Variants in MRTFB observed in about 807,000 individuals in gnomAD.
MRTFB encodes the protein myocardin-related transcription factor B.
Under a neutral mutation model 104.2 loss-of-function variants are expected in MRTFB, and 29 were observed. The observed-to-expected ratio is 0.28, with a 90% CI of 0.21 to 0.38. MRTFB has a LOEUF of 0.38. MRTFB is among the 10% of genes least tolerant of loss of function. The pLI, the probability that MRTFB is intolerant of heterozygous loss-of-function variation, is 1.00. For missense variants in MRTFB, 1,270 were observed against 1,341.6 expected, an observed-to-expected ratio of 0.95 and a Z score of 0.83; for synonymous variants, 535 against 519.5, an observed-to-expected ratio of 1.03 and a Z score of -0.41.
At chr16:14,012,295 C>CTTTTTTTTTTTTTTTTTTTTTTTTTT in the MRTFB span, among the ~76,000 whole-genome samples, 1 of 107,922 alleles carries the variant, frequency 9.3e-6, no homozygotes, top group Non-Finnish European at 1.8e-5. Flanking sequence ...CTTTTTCTTT[C>CTTTTTTTTTTTTTTTTTTTTTTTTTT]TTTCTTTTTT....
intron 3 of MRTFB, among the ~76,000 whole-genome samples, chr16:14,203,086 A>G (rs374353468): frequency 1.3e-5 from 2 of 152,278 alleles, no homozygotes; most frequent in East Asian, 3.9e-4. Context: ...ATTCTAGAGT[A>G]TTCTTTAGTT....
rs906087612 is a variant in MRTFB, at chr16:14,246,363, G to A, written c.1213-110G>A. ...AACCAGTTCTACTTTCAGGTGTGCC[G>A]TAACGCAGAGTTGTCTGACAGACAT... On this transcript the variant is annotated intron_variant, in intron 11 of 16. Coordinates refer to ENST00000571589, the MANE Select transcript of MRTFB (RefSeq NM_001308142.2). 28 of 1,018,750 alleles carry A rather than the reference G, an allele frequency of 2.7e-5. 1 individual carries two copies. The highest frequency in any genetic ancestry group is 9.7e-5 in the South Asian group (6 of 61,818). 63.1% of individuals were successfully genotyped at this position (1,018,750 alleles called of 1,614,324 possible). A position where few individuals can be genotyped will look rare whatever the true frequency, so the allele number is the denominator to read the frequency against.
intron 2 of MRTFB, among the ~76,000 whole-genome samples, chr16:14,089,315 G>A (rs2034911882): frequency 6.6e-6 from 1 of 151,982 alleles, no homozygotes; most frequent in South Asian, 2.1e-4. Context: ...TCTCCCCTCT[G>A]TCTCTCTCAC....
chr16:14,172,655 GTTTATTCCTCCACAGCCTGGAGGAATA>G (rs1480026981), intron 3 of MRTFB, among the ~76,000 whole-genome samples: 1 of 152,028 alleles, frequency 6.6e-6, no homozygotes, highest in Non-Finnish European at 1.5e-5. Context: ...GTAAGAGAAT[GTTTATTCCTCCACAGCCTGGAGGAATA>G]AACAGAAAGT....
At chr16:14,185,619 C>T (rs1210863110) in intron 3 of MRTFB, among the ~76,000 whole-genome samples, 1 of 151,612 alleles carries the variant, frequency 6.6e-6, no homozygotes, top group Admixed American at 6.6e-5. Context: ...CTCAACCATG[C>T]TACAGATGTT....
intron 3 of MRTFB, chr16:14,144,899 A>G (rs1411259713): frequency 6.6e-6 from 1 of 150,656 alleles, no homozygotes; most frequent in Non-Finnish European, 1.5e-5. Context: ...CAGTGAGTCA[A>G]GATTGCACCA....
At chr16:14,199,963 T>G (rs973269503) in intron 3 of MRTFB, 1 of 250,818 alleles carries the variant, frequency 4.0e-6, no homozygotes, top group African/African-American at 2.3e-5. Context: ...GGAGGTAATC[T>G]TTGTTTCTGA....
At chr16:14,213,067 A>G (rs897252920) in intron 5 of MRTFB, among the ~76,000 whole-genome samples, 4 of 152,222 alleles carry the variant, frequency 2.6e-5, no homozygotes, top group African/African-American at 9.7e-5. Context: ...ACAGTCTTAT[A>G]AAACCTGTAT....
At position 14,140,640 on chromosome 16, in the gene MRTFB, G is replaced by A; in HGVS notation, c.34G>A (p.Glu12Lys). ...CACAGGGGCGATAGACACCGAGGAT[G>A]AAGTGGGACCTTTAGCCCATCTTGC... is the stretch of plus-strand genomic sequence containing the variant. ...DHTGAIDTED[E>K]VGPLAHLAPS... Residue 12 changes from glutamate to lysine, a missense_variant, in exon 3 of 17, where the codon GAA (glutamate) becomes AAA (lysine). Physicochemically the swap from Glu to Lys is moderately conservative, Grantham distance 56. Transcript: ENST00000571589. 2.5e-6 allele frequency: 4 copies of A among 1,614,218 alleles called. No homozygotes were observed. Among genetic ancestry groups the A allele is most frequent in the Non-Finnish European group, 3.4e-6 (4 of 1,180,040 alleles).
At chr16:14,195,519 A>G in intron 3 of MRTFB, 1 of 985,446 alleles carries the variant, frequency 1.0e-6, no homozygotes, top group African/African-American at 1.7e-5. Context: ...ACAAAATGGA[A>G]AGGAAAACCG....
chr16:14,130,293 ACTTCT>A (rs1323273202), intron 2 of MRTFB, among the ~76,000 whole-genome samples: 1 of 152,202 alleles, frequency 6.6e-6, no homozygotes, highest in Non-Finnish European at 1.5e-5. Flanking sequence ...TAAAATAAAC[ACTTCT>A]CTTATTTGTT....
At chr16:14,093,890 C>T (rs529054173) in intron 2 of MRTFB, among the ~76,000 whole-genome samples, 1 of 152,266 alleles carries the variant, frequency 6.6e-6, no homozygotes, top group East Asian at 1.9e-4. Flanking sequence ...TCTGGAGGCA[C>T]CCCTTATCAG....
the MRTFB span, among the ~76,000 whole-genome samples, chr16:14,045,419 G>T: frequency 1.3e-4 from 20 of 152,198 alleles, no homozygotes; most frequent in African/African-American, 4.6e-4. Context: ...TGGGCTGCAA[G>T]ACGTTAGCCT....
chr16:14,257,116 C>T (rs1229870925), intron 15 of MRTFB, among the ~76,000 whole-genome samples: 2 of 152,194 alleles, frequency 1.3e-5, no homozygotes, highest in Non-Finnish European at 2.9e-5. Flanking sequence ...TGGAGAACAA[C>T]TAGAAATCTT....
rs1567449682 is a variant in MRTFB, at chr16:14,200,914, A to G, written c.155-9329A>G. On this transcript the variant is annotated intron_variant, in intron 3 of 16. Transcript: ENST00000571589. ...CAGAAAGAATTTAACCAGCATGGCTACTTTATATTTTGGAAAGCAGTTTTT... is the reference window on the plus strand; with the variant it reads ...CAGAAAGAATTTAACCAGCATGGCTGCTTTATATTTTGGAAAGCAGTTTTT... 4 of 1,451,792 alleles carry G rather than the reference A, an allele frequency of 2.8e-6. No individual in the cohort carries two copies. In the African/African-American group the frequency reaches 5.6e-5, roughly 20 times the overall value. The allele number at this position is 1,451,792 out of a possible 1,614,324, so 89.9% of individuals were successfully genotyped here. A position where few individuals can be genotyped will look rare whatever the true frequency, so the allele number is the denominator to read the frequency against.
the MRTFB span, among the ~76,000 whole-genome samples, chr16:14,063,675 G>A: frequency 1.6e-4 from 24 of 152,170 alleles, no homozygotes; most frequent in Admixed American, 1.2e-3. Flanking sequence ...ATTCCTGTTG[G>A]TCAATCTGAG....
intron 2 of MRTFB, among the ~76,000 whole-genome samples, chr16:14,103,478 C>T (rs906316436): frequency 6.6e-6 from 1 of 152,096 alleles, no homozygotes; most frequent in Admixed American, 6.6e-5. Context: ...CAGGGATTTC[C>T]TTAGTGCCCT....
chr16:14,238,286 G>T (rs773860596), intron 9 of MRTFB, among the ~76,000 whole-genome samples: 6 of 152,168 alleles, frequency 3.9e-5, no homozygotes, highest in Non-Finnish European at 7.3e-5. Flanking sequence ...GAGGCAGAAG[G>T]AGACAGAATT....
intron 3 of MRTFB, among the ~76,000 whole-genome samples, chr16:14,204,789 A>G (rs901074976): frequency 7.9e-5 from 12 of 152,346 alleles, no homozygotes; most frequent in Admixed American, 3.9e-4. Context: ...GCAAAAGACA[A>G]TGGTTAATAC....
Sources: gnomAD v4.1 joint callset for allele counts (sites outside exome capture counted in the v4.1 genomes callset) on GRCh38, gnomAD v4.1.1 for gene constraint, MANE v1.5 for transcripts, NCBI Gene and HGNC (gene_info 2026-07-23, HGNC 2026-07-21) for gene names.